The following AP4S1 variants were observed in gnomAD, a reference collection of about 807,000 sequenced individuals.
AP4S1 encodes adaptor related protein complex 4 subunit sigma 1.
In AP4S1, 23 loss-of-function variants were observed where a neutral mutation model predicts 19.8. The ratio of observed to expected loss-of-function variants is 1.16; its 90% CI spans 0.84 to 1.65. The LOEUF is 1.65. AP4S1 is among the 40% of genes most tolerant of loss of function. The pLI is 0.00. For missense variants in AP4S1, 166 were observed against 172.8 expected, an observed-to-expected ratio of 0.96 and a Z score of 0.22; for synonymous variants, 46 against 54.1, an observed-to-expected ratio of 0.85 and a Z score of 0.66.
chr14:31,079,200 C>A (rs530405607), intron 4 of AP4S1, among the ~76,000 whole-genome samples: 1 of 152,176 alleles, frequency 6.6e-6, no homozygotes, highest in Non-Finnish European at 1.5e-5. Context: ...GAACTTAATT[C>A]TCTTTGCTTT....
rs959508280 is a variant in AP4S1, at chr14:31,074,555, G to A, written c.294+1582G>A. 8.4e-4 allele frequency among the ~76,000 whole-genome samples: 127 copies of A among 151,954 alleles called. 1 individual carries two copies. The highest frequency in any genetic ancestry group is 1.4e-3 in the African/African-American group (59 of 41,406). On this transcript the variant is annotated intron_variant, in intron 4 of 5. Coordinates refer to ENST00000542754, the MANE Select transcript of AP4S1 (RefSeq NM_001128126.3). The stretch of plus-strand genomic sequence containing the variant: ...AAATTAGCCAGGCATGGTGGCGGGC[G>A]CCTGTAGTACCAGCTACTCAGGAGG...
intron 1 of AP4S1, among the ~76,000 whole-genome samples, chr14:31,047,410 C>T (rs1185505224): frequency 2.3e-4 from 30 of 129,346 alleles, no homozygotes; most frequent in African/African-American, 7.0e-4. Flanking sequence ...TTTTTTGAGA[C>T]GGAGTCTTGC....
chr14:31,038,268 CA>C (rs1444971168), intron 1 of AP4S1, among the ~76,000 whole-genome samples: 6 of 152,154 alleles, frequency 3.9e-5, no homozygotes, highest in Non-Finnish European at 8.8e-5. Context: ...GCCCTAATCA[CA>C]AATATTAAAC....
chr14:31,090,187 T>C (rs954333491), intron 5 of AP4S1, among the ~76,000 whole-genome samples: 1 of 152,080 alleles, frequency 6.6e-6, no homozygotes, highest in Non-Finnish European at 1.5e-5. Context: ...GGTTTCACCA[T>C]ATTGGCCAGG....
chr14:31,034,062 T>C (rs1884576100), intron 1 of AP4S1, among the ~76,000 whole-genome samples: 1 of 152,198 alleles, frequency 6.6e-6, no homozygotes. Flanking sequence ...ATGTGACTAA[T>C]TGGTAAATTG....
At chr14:31,032,030 C>T (rs1318778930) in intron 1 of AP4S1, among the ~76,000 whole-genome samples, 1 of 149,728 alleles carries the variant, frequency 6.7e-6, no homozygotes, top group African/African-American at 2.5e-5. Context: ...ATGATCACAC[C>T]ACTGGGTGCC....
chr14:31,038,632 A>C (rs1239650509), intron 1 of AP4S1, among the ~76,000 whole-genome samples: 2 of 152,200 alleles, frequency 1.3e-5, no homozygotes, highest in Non-Finnish European at 2.9e-5. Flanking sequence ...TGAAAGCCAC[A>C]TACTAAATGA....
At chr14:31,035,122 T>A (rs67643008) in intron 1 of AP4S1, among the ~76,000 whole-genome samples, 2,214 of 151,856 alleles carry the variant, frequency 0.015, 23 homozygotes, top group Non-Finnish European at 0.024. Context: ...TTTAACAGAT[T>A]AGGAGTTTTT....
chr14:31,073,383 C>T (rs113744487), intron 4 of AP4S1, among the ~76,000 whole-genome samples: 5 of 131,830 alleles, frequency 3.8e-5, no homozygotes, highest in African/African-American at 5.3e-5. Context: ...CCAGCTACTC[C>T]GGAGGCTGAG....
At chr14:31,056,364 T>C (rs1049722297) in intron 1 of AP4S1, among the ~76,000 whole-genome samples, 1 of 151,714 alleles carries the variant, frequency 6.6e-6, no homozygotes, top group Non-Finnish European at 1.5e-5. Context: ...TTCTTTTCTT[T>C]CTTTTTTTTT....
chr14:31,049,431 ATATATATAT>A lies in AP4S1; in HGVS notation c.-71-16694_-71-16686del, dbSNP rs1566520593. On this transcript the variant is annotated intron_variant, in intron 1 of 5. Coordinates refer to ENST00000542754, the MANE Select transcript of AP4S1 (RefSeq NM_001128126.3). ...TCGGTCTCAAAAAAAAAAAAAAAAT[ATATATATAT>A]ATATATATATATATATATATATGTA... Among the ~76,000 whole-genome samples, 368 of 44,068 alleles carry A rather than the reference ATATATATAT, an allele frequency of 8.4e-3. 6 individuals carry two copies. Among genetic ancestry groups the A allele is most frequent in the South Asian group, 0.041 (34 of 822 alleles). 28.9% of individuals were successfully genotyped at this position (44,068 alleles called of 152,430 possible).
intron 1 of AP4S1, among the ~76,000 whole-genome samples, chr14:31,036,206 T>C (rs1884766359): frequency 2.0e-5 from 3 of 151,978 alleles, no homozygotes; most frequent in South Asian, 2.1e-4. Flanking sequence ...ATTTAATAAT[T>C]TGTTCAATAG....
intron 5 of AP4S1, among the ~76,000 whole-genome samples, chr14:31,081,749 TGTGTGTGTAC>T (rs1204939788): frequency 6.6e-6 from 1 of 151,820 alleles, no homozygotes; most frequent in Non-Finnish European, 1.5e-5. Context: ...TGTGTGTGTA[TGTGTGTGTAC>T]GTGCACAAAC....
intron 1 of AP4S1, among the ~76,000 whole-genome samples, chr14:31,044,079 T>A (rs1885258522): frequency 6.6e-6 from 1 of 152,206 alleles, no homozygotes; most frequent in Non-Finnish European, 1.5e-5. Flanking sequence ...TTTAACTCAA[T>A]GTTTTTAAAA....
intron 5 of AP4S1, chr14:31,083,575 G>T (rs2139111119): frequency 2.3e-6 from 1 of 431,480 alleles, no homozygotes; most frequent in Admixed American, 2.7e-5. Context: ...TGCGATCATG[G>T]CTCACTACAC....
chr14:31,059,111 G>A (rs1886291360), intron 1 of AP4S1, among the ~76,000 whole-genome samples: 1 of 152,072 alleles, frequency 6.6e-6, no homozygotes, highest in Non-Finnish European at 1.5e-5. Flanking sequence ...TTTTGGCATT[G>A]TATATTCTAT....
chr14:31,089,893 T>C (rs1009294926), intron 5 of AP4S1, among the ~76,000 whole-genome samples: 18 of 152,208 alleles, frequency 1.2e-4, no homozygotes, highest in Non-Finnish European at 2.5e-4. Flanking sequence ...CACTCTAGCC[T>C]GAGCAACAGA....
In AP4S1 at chr14:31,025,649, A is replaced by C; in HGVS notation, c.-210A>C. 1.8e-6 allele frequency: 1 copy of C among 546,012 alleles called. No homozygotes were observed. 33.8% of individuals were successfully genotyped at this position (546,012 alleles called of 1,614,324 possible). On this transcript the variant is annotated 5_prime_UTR_variant, in exon 1 of 6. Transcript: ENST00000542754. ...CCGGAGGAGCCCCCGCAGACGCCAT[A>C]CTAAAAGCCAAAATGGCTGCCCCGA...
At chr14:31,048,887 C>A (rs1346598885) in intron 1 of AP4S1, among the ~76,000 whole-genome samples, 1 of 152,152 alleles carries the variant, frequency 6.6e-6, no homozygotes, top group Non-Finnish European at 1.5e-5. Flanking sequence ...GATCCATGAC[C>A]AAATGAAAGA....
Sources: gnomAD v4.1 joint callset for allele counts (sites outside exome capture counted in the v4.1 genomes callset) on GRCh38, gnomAD v4.1.1 for gene constraint, MANE v1.5 for transcripts, NCBI Gene and HGNC (gene_info 2026-07-23, HGNC 2026-07-21) for gene names.